ARHGAP31: variants seen among roughly 807,000 people sequenced by gnomAD.
The protein encoded by ARHGAP31 is rho GTPase-activating protein 31.
Under a neutral mutation model 113.9 loss-of-function variants are expected in ARHGAP31, and 34 were observed. The ratio of observed to expected loss-of-function variants is 0.30; its 90% CI spans 0.23 to 0.40. The LOEUF is 0.40. Ranked by LOEUF, ARHGAP31 falls within the 10% of genes least tolerant of loss-of-function variation. The pLI, the probability that ARHGAP31 is intolerant of heterozygous loss-of-function variation, is 1.00. For missense variants in ARHGAP31, 1,548 were observed against 1,767.1 expected, an observed-to-expected ratio of 0.88 and a Z score of 2.22; for synonymous variants, 650 against 684.8, an observed-to-expected ratio of 0.95 and a Z score of 0.79.
Position 119,420,001 on chromosome 3 carries a change from G to A in ARHGAP31, c.*3737G>A, listed in dbSNP as rs575448403. The stretch of plus-strand genomic sequence containing the variant: ...TTAACTCCTAGTTAATGATGAAGCA[G>A]TAGGCCCAAGATAAACTGTTCAATT... On this transcript the variant is annotated 3_prime_UTR_variant, in exon 12 of 12. Coordinates refer to ENST00000264245, the MANE Select transcript of ARHGAP31 (RefSeq NM_020754.4). 1 of 152,352 alleles carries A rather than the reference G, an allele frequency of 6.6e-6. No homozygotes were observed. Among genetic ancestry groups the A allele is most frequent in the Admixed American group, 6.5e-5 (1 of 15,304 alleles). 9.4% of individuals were successfully genotyped at this position (152,352 alleles called of 1,614,324 possible).
At chr3:119,300,111 G>T (rs577479908) in intron 1 of ARHGAP31, among the ~76,000 whole-genome samples, 4 of 152,326 alleles carry the variant, frequency 2.6e-5, no homozygotes, top group Admixed American at 6.5e-5. Context: ...TCCCAACTTT[G>T]CTTGTTCCCA....
chr3:119,311,741 G>T lies in ARHGAP31; in HGVS notation c.100+16737G>T, dbSNP rs550569166. 3.8e-4 allele frequency among the ~76,000 whole-genome samples: 58 copies of T among 152,314 alleles called. No individual in the cohort carries two copies. The South Asian group carries it at 0.011, about 30-fold the overall frequency. ...TCAGCTGGGACACTGGGAGGAACAGGTATTATCTGTCCTGGGGAGGGAATG... is the reference window on the plus strand; with the variant it reads ...TCAGCTGGGACACTGGGAGGAACAGTTATTATCTGTCCTGGGGAGGGAATG... On this transcript the variant is annotated intron_variant, in intron 1 of 11. Coordinates refer to ENST00000264245, the MANE Select transcript of ARHGAP31 (RefSeq NM_020754.4).
intron 1 of ARHGAP31, chr3:119,341,942 C>T (rs1300226968): frequency 6.6e-6 from 1 of 152,090 alleles, no homozygotes; most frequent in East Asian, 1.9e-4. Flanking sequence ...AGTGAGCACG[C>T]CTCTCACTTT....
intron 1 of ARHGAP31, among the ~76,000 whole-genome samples, chr3:119,333,635 C>A (rs546299998): frequency 3.5e-4 from 54 of 152,294 alleles, no homozygotes; most frequent in Non-Finnish European, 3.8e-4. Flanking sequence ...CTTTTCCTTC[C>A]CAACACTTAT....
Position 119,402,074 on chromosome 3 carries a change from C to T in ARHGAP31, c.1322C>T (p.Pro441Leu), listed in dbSNP as rs1205008776. The change falls in exon 10 of 12, where the codon CCG becomes CTG. Residue 441 changes from proline to leucine, a missense_variant. By Grantham distance (98) the Pro-to-Leu change is moderately conservative. Transcript: ENST00000264245. ...AAGGTTTTCCGGCCTGTTGAGGATCCGGAGAGCGAGCAAACAGCCCCAAAG... is the reference window on the plus strand; with the variant it reads ...AAGGTTTTCCGGCCTGTTGAGGATCTGGAGAGCGAGCAAACAGCCCCAAAG... ...QLKVFRPVED[P>L]ESEQTAPKML... 2 of 1,614,194 alleles carry T rather than the reference C, an allele frequency of 1.2e-6. No individual in the cohort carries two copies. Among genetic ancestry groups the T allele is most frequent in the East Asian group, 2.2e-5 (1 of 44,892 alleles).
chr3:119,381,972 C>A (rs910931402), intron 4 of ARHGAP31, among the ~76,000 whole-genome samples: 3 of 129,746 alleles, frequency 2.3e-5, no homozygotes, highest in Non-Finnish European at 4.6e-5. Flanking sequence ...GGCGACAGAG[C>A]GAGACTCCGT....
intron 1 of ARHGAP31, among the ~76,000 whole-genome samples, chr3:119,323,504 T>C (rs574680296): frequency 1.3e-4 from 19 of 145,662 alleles, no homozygotes; most frequent in South Asian, 4.2e-4. Context: ...TTTCTTCTTC[T>C]TTTTTTTTTA....
rs747734889 is a variant in ARHGAP31, at chr3:119,399,244, G to A, written c.1052G>A (p.Cys351Tyr). The A allele has an allele frequency of 2.1e-5, 34 of 1,613,504 alleles. No individual in the cohort carries two copies. The highest frequency in any genetic ancestry group is 3.3e-5 in the Admixed American group (2 of 60,012). ...IRPAKSMDSL[C>Y]SVPVEGKETK... ...CCAGCTAAAAGCATGGACTCACTATGTTCAGTGCCTGTGGAAGGTAAGATT... is the reference window on the plus strand; with the variant it reads ...CCAGCTAAAAGCATGGACTCACTATATTCAGTGCCTGTGGAAGGTAAGATT... Residue 351 changes from cysteine (C) to tyrosine (Y), a missense_variant, in exon 9 of 12, where the codon TGT (cysteine) becomes TAT (tyrosine). Transcript: ENST00000264245.
intron 1 of ARHGAP31, among the ~76,000 whole-genome samples, chr3:119,307,524 A>G (rs1036666265): frequency 1.3e-4 from 20 of 152,302 alleles, no homozygotes; most frequent in Middle Eastern, 3.4e-3. Flanking sequence ...TATGTACACA[A>G]TTATTTATTT....
rs768879286 is a variant in ARHGAP31, at chr3:119,414,901, C to A, written c.2972C>A (p.Ala991Glu). Residue 991 changes from alanine (A) to glutamate (E), a missense_variant, in exon 12 of 12, where the codon GCA (alanine) becomes GAA (glutamate). Ala to Glu is a moderately radical substitution (Grantham distance 107). Coordinates refer to ENST00000264245, the MANE Select transcript of ARHGAP31 (RefSeq NM_020754.4). ...AATTCTGACCCTCTTCAGCCCCAGG[C>A]ACCCAGGAGAGAGATTACTGGATGG... Reference protein sequence around the residue: ...ERNSDPLQPQAPRREITGWDE... With the variant: ...ERNSDPLQPQEPRREITGWDE... 2.5e-6 allele frequency: 4 copies of A among 1,614,182 alleles called. No homozygotes were observed. In the South Asian group the frequency reaches 3.3e-5, roughly 13 times the overall value.
intron 8 of ARHGAP31, among the ~76,000 whole-genome samples, chr3:119,397,270 C>T (rs1014385583): frequency 3.3e-5 from 5 of 152,222 alleles, no homozygotes; most frequent in Non-Finnish European, 5.9e-5. Context: ...CAAGGAACTG[C>T]ATCATGAGAA....
intron 1 of ARHGAP31, among the ~76,000 whole-genome samples, chr3:119,332,635 T>TCTCTCTCACA (rs1403595583): frequency 1.0e-4 from 9 of 85,728 alleles, no homozygotes; most frequent in South Asian, 9.3e-4. Flanking sequence ...TCTCTCTCTC[T>TCTCTCTCACA]CACACACACA....
chr3:119,351,630 G>A (rs2080111927), intron 1 of ARHGAP31, among the ~76,000 whole-genome samples: 1 of 151,986 alleles, frequency 6.6e-6, no homozygotes, highest in Admixed American at 6.6e-5. Flanking sequence ...AAGAGAGGTG[G>A]CCTGGACACA....
chr3:119,363,416 G>A (rs562883108), intron 1 of ARHGAP31, among the ~76,000 whole-genome samples: 29 of 152,146 alleles, frequency 1.9e-4, no homozygotes, highest in South Asian at 1.0e-3. Flanking sequence ...CTACTCCCAC[G>A]CTGTGCTCAC....
Position 119,417,020 on chromosome 3 carries a change from GTAATTTATAAATCC to G in ARHGAP31, c.*757_*770del, listed in dbSNP as rs2080784852. 1 of 152,818 alleles carries G rather than the reference GTAATTTATAAATCC, an allele frequency of 6.5e-6. No individual in the cohort carries two copies. The highest frequency in any genetic ancestry group is 1.5e-5 in the Non-Finnish European group (1 of 68,548). The allele number at this position is 152,818 out of a possible 1,614,324, so 9.5% of individuals were successfully genotyped here. ...ACTCCAACTGCCACTGTACTGGACT[GTAATTTATAAATCC>G]AGTAGCTACGCAGGGTGGAGGCTGG... is the stretch of plus-strand genomic sequence containing the variant. On this transcript the variant is annotated 3_prime_UTR_variant, in exon 12 of 12. Transcript: ENST00000264245.
intron 10 of ARHGAP31, among the ~76,000 whole-genome samples, chr3:119,404,054 G>A (rs867890657): frequency 1.3e-4 from 20 of 152,144 alleles, no homozygotes; most frequent in African/African-American, 4.1e-4. Context: ...AGCAAATCTC[G>A]GGGTATCAAG....
intron 10 of ARHGAP31, among the ~76,000 whole-genome samples, chr3:119,402,811 G>A (rs2080624402): frequency 6.6e-6 from 1 of 152,168 alleles, no homozygotes; most frequent in South Asian, 2.1e-4. Context: ...TGGAATTGGG[G>A]ATTCAGTTCT....
At chr3:119,362,496 G>A (rs1300422808) in intron 1 of ARHGAP31, among the ~76,000 whole-genome samples, 2 of 152,144 alleles carry the variant, frequency 1.3e-5, no homozygotes, top group Non-Finnish European at 2.9e-5. Context: ...GGCTGGGCGA[G>A]GTGGCTCACG....
In ARHGAP31 at chr3:119,419,351, C is replaced by G. The variant is rs1483138470; in HGVS notation, c.*3087C>G. On this transcript the variant is annotated 3_prime_UTR_variant, in exon 12 of 12. Transcript: ENST00000264245. The stretch of plus-strand genomic sequence containing the variant: ...ATAGTAACCTATATTTTCTGCTACA[C>G]TTGGAATATGAAGAAATCTGAACAA... 6.6e-6 allele frequency: 1 copy of G among 152,188 alleles called. No individual in the cohort carries two copies. The highest frequency in any genetic ancestry group is 1.5e-5 in the Non-Finnish European group (1 of 68,038). The allele number at this position is 152,188 out of a possible 1,614,324, so 9.4% of individuals were successfully genotyped here. A position where few individuals can be genotyped will look rare whatever the true frequency, so the allele number is the denominator to read the frequency against.
Sources: gnomAD v4.1 joint callset for allele counts (sites outside exome capture counted in the v4.1 genomes callset) on GRCh38, gnomAD v4.1.1 for gene constraint, MANE v1.5 for transcripts, NCBI Gene and HGNC (gene_info 2026-07-23, HGNC 2026-07-21) for gene names.